The following TSPEAR variants were observed in gnomAD, a reference collection of about 807,000 sequenced individuals.
The protein encoded by TSPEAR is thrombospondin type laminin G domain and EAR repeats.
Under a neutral mutation model 71.6 loss-of-function variants are expected in TSPEAR, and 69 were observed. The observed-to-expected ratio is 0.96, with a 90% CI of 0.79 to 1.18. The LOEUF is 1.18. TSPEAR is among the 50% of genes most tolerant of loss of function. TSPEAR has a pLI of 0.00. For synonymous variants in TSPEAR, 402 were observed against 387.2 expected, an observed-to-expected ratio of 1.04 and a Z score of -0.45; for missense variants, 971 against 894.9, an observed-to-expected ratio of 1.09 and a Z score of -1.09.
At chr21:44,600,458 T>A (rs1980717418) in intron 1 of TSPEAR, 6 of 851,438 alleles carry the variant, frequency 7.0e-6, no homozygotes, top group Admixed American at 2.9e-5. Context: ...CTCTAGGTTT[T>A]AAACACAAAC....
intron 8 of TSPEAR, among the ~76,000 whole-genome samples, chr21:44,525,316 G>A (rs1555914790): frequency 6.6e-6 from 1 of 152,158 alleles, no homozygotes; most frequent in African/African-American, 2.4e-5. Flanking sequence ...TCAGTCATCA[G>A]GTAATTAGGT....
chr21:44,518,413 A>C (rs1289899467), intron 9 of TSPEAR: 1 of 409,568 alleles, frequency 2.4e-6, no homozygotes, highest in Non-Finnish European at 5.0e-6. Context: ...ACTTGGTGTT[A>C]TCACAGGGGC....
chr21:44,499,675 C>A lies in TSPEAR; in HGVS notation c.*108G>T. 8.1e-7 allele frequency: 1 copy of A among 1,235,382 alleles called. No homozygotes were observed. Among genetic ancestry groups the A allele is most frequent in the Non-Finnish European group, 1.1e-6 (1 of 924,088 alleles). The allele number at this position is 1,235,382 out of a possible 1,614,324, so 76.5% of individuals were successfully genotyped here. On this transcript the variant is annotated 3_prime_UTR_variant, in exon 12 of 12. Transcript: ENST00000323084. ...ACCTGCACCCTGCCTGATGCCCAGGCCCGGGATGCCCTAGGCTGGGCCCAC... is the reference window on the plus strand; with the variant it reads ...ACCTGCACCCTGCCTGATGCCCAGGACCGGGATGCCCTAGGCTGGGCCCAC...
chr21:44,628,300 C>T (rs9980512), intron 1 of TSPEAR: 14,515 of 225,920 alleles, frequency 0.064, 2,343 homozygotes, highest in Admixed American at 0.14. Context: ...TGGTTGGGGA[C>T]GGGCCCTCCT....
At chr21:44,590,979 A>G (rs371496295) in intron 1 of TSPEAR, among the ~76,000 whole-genome samples, 21,946 of 99,694 alleles carry the variant, frequency 0.22, 1,429 homozygotes, top group African/African-American at 0.34. Context: ...AGACAGGATG[A>G]AAAGTCGACA....
At chr21:44,508,415 T>A (rs1555912181) in intron 10 of TSPEAR, 1 of 990,942 alleles carries the variant, frequency 1.0e-6, no homozygotes, top group East Asian at 9.0e-5. Context: ...CGAGGAAACC[T>A]GGGAAAGCCG....
At position 44,527,349 on chromosome 21, in the gene TSPEAR, AT is replaced by A; in HGVS notation, c.1091del (p.Tyr364PhefsTer48). On this transcript the variant is annotated frameshift_variant, in exon 7 of 12. Transcript: ENST00000323084. LOFTEE classifies it high-confidence loss of function. Reference sequence around the variant, plus strand: ...GTGCTTGGTGCGTGGGGATGTTCTGATATGAGACGAACTTCTCTTCGGTCCA... The same window carrying A: ...GTGCTTGGTGCGTGGGGATGTTCTGAATGAGACGAACTTCTCTTCGGTCCA... Reference protein sequence around the residue: ...YKWTEEKFVSYQNIPTHQAQA... With the variant: ...YKWTEEKFVSXQNIPTHQAQA... 1 of 1,614,114 alleles carries A rather than the reference AT, an allele frequency of 6.2e-7. No individual in the cohort carries two copies. Among genetic ancestry groups the A allele is most frequent in the Non-Finnish European group, 8.5e-7 (1 of 1,180,026 alleles).
intron 1 of TSPEAR, among the ~76,000 whole-genome samples, chr21:44,651,730 C>T (rs1984803975): frequency 6.6e-6 from 1 of 152,168 alleles, no homozygotes. Flanking sequence ...CCTTAATTAG[C>T]CACACGTGTG....
intron 1 of TSPEAR, among the ~76,000 whole-genome samples, chr21:44,651,376 C>T (rs782163388): frequency 1.3e-5 from 2 of 152,190 alleles, no homozygotes; most frequent in Non-Finnish European, 2.9e-5. Flanking sequence ...TGGCCACAAA[C>T]TTAGTAGCTT....
At chr21:44,561,694 G>T (rs781987439) in intron 2 of TSPEAR, among the ~76,000 whole-genome samples, 3 of 152,136 alleles carry the variant, frequency 2.0e-5, no homozygotes, top group Non-Finnish European at 4.4e-5. Context: ...ATCGATAAAT[G>T]TAATCCATCA....
chr21:44,653,892 C>T (rs141425573), intron 1 of TSPEAR, among the ~76,000 whole-genome samples: 68 of 152,302 alleles, frequency 4.5e-4, no homozygotes, highest in Middle Eastern at 6.8e-3. Context: ...GGTACCTGCC[C>T]CTTCTCTGCA....
chr21:44,621,254 A>G (rs1201506077), intron 1 of TSPEAR, among the ~76,000 whole-genome samples: 1 of 151,646 alleles, frequency 6.6e-6, no homozygotes, highest in Non-Finnish European at 1.5e-5. Context: ...TTTTTAAATT[A>G]GAGAGAATGG....
At chr21:44,662,937 T>C (rs1013883840) in intron 1 of TSPEAR, among the ~76,000 whole-genome samples, 3 of 151,948 alleles carry the variant, frequency 2.0e-5, no homozygotes, top group East Asian at 1.9e-4. Flanking sequence ...AGACAACATG[T>C]CAAAATATAT....
chr21:44,666,888 G>A lies in TSPEAR; in HGVS notation c.82+44545C>T, dbSNP rs375178072. The A allele has an allele frequency of 2.2e-5, 36 of 1,612,830 alleles. No homozygotes were observed. The East Asian group carries it at 7.1e-4, about 32-fold the overall frequency. ...CGAGGAGCAGCTGGTATGACACATG[G>A]TGGCGTGTGGCTGGATAAGGTCGAG... On this transcript the variant is annotated intron_variant, in intron 1 of 11. Transcript: ENST00000323084.
intron 1 of TSPEAR, among the ~76,000 whole-genome samples, chr21:44,636,413 A>C (rs587603838): frequency 6.6e-6 from 1 of 152,274 alleles, no homozygotes; most frequent in South Asian, 2.1e-4. Flanking sequence ...TGCTGGGTGC[A>C]GTGACTTTGT....
intron 1 of TSPEAR, among the ~76,000 whole-genome samples, chr21:44,660,872 CAGG>C (rs1415985602): frequency 6.6e-6 from 1 of 152,138 alleles, no homozygotes; most frequent in African/African-American, 2.4e-5. Context: ...GAGGCTGAGG[CAGG>C]AGAATTGCTT....
At chr21:44,639,154 TTGGTCCCG>T (rs1555937994) in intron 1 of TSPEAR, among the ~76,000 whole-genome samples, 6 of 152,128 alleles carry the variant, frequency 3.9e-5, no homozygotes. Flanking sequence ...TGGCTCCCTT[TTGGTCCCG>T]TGGTCCTGGA....
intron 1 of TSPEAR, among the ~76,000 whole-genome samples, chr21:44,649,615 C>T (rs1436272337): frequency 6.6e-6 from 1 of 152,188 alleles, no homozygotes; most frequent in Non-Finnish European, 1.5e-5. Context: ...GGGCAGCCCT[C>T]GGTTTTGGGG....
At chr21:44,668,982 T>A (rs1985923033) in intron 1 of TSPEAR, among the ~76,000 whole-genome samples, 2 of 152,274 alleles carry the variant, frequency 1.3e-5, no homozygotes, top group South Asian at 4.1e-4. Context: ...TATTTTAAAA[T>A]CCACATGATA....
Sources: gnomAD v4.1 joint callset for allele counts (sites outside exome capture counted in the v4.1 genomes callset) on GRCh38, gnomAD v4.1.1 for gene constraint, MANE v1.5 for transcripts, NCBI Gene and HGNC (gene_info 2026-07-23, HGNC 2026-07-21) for gene names.